The following TRMT2B variants were observed in gnomAD, a reference collection of about 807,000 sequenced individuals.
TRMT2B encodes tRNA methyltransferase 2B, also known as tRNA (uracil-5-)-methyltransferase homolog B.
TRMT2B carries 34 observed loss-of-function variants against 39.7 expected under a neutral mutation model. The observed-to-expected ratio is 0.86, with a 90% CI of 0.65 to 1.14. The LOEUF (loss-of-function observed/expected upper bound fraction) is 1.14. Ranked by LOEUF, TRMT2B falls within the 50% of genes most tolerant of loss-of-function variation. TRMT2B has a pLI of 0.00. For synonymous variants in TRMT2B, 132 were observed against 137.3 expected, an observed-to-expected ratio of 0.96 and a Z score of 0.27; for missense variants, 318 against 377.2, an observed-to-expected ratio of 0.84 and a Z score of 1.30.
At chrX:101,022,444 A>C (rs2086842968) in intron 8 of TRMT2B, among the ~76,000 whole-genome samples, 1 of 110,695 alleles carries the variant, frequency 9.0e-6, no homozygotes. Flanking sequence ...AACATGGTGA[A>C]ACCCCATCTC....
chrX:100,983,398 C>T, the TRMT2B span, among the ~76,000 whole-genome samples: 1 of 110,391 alleles, frequency 9.1e-6, no homozygotes, highest in Non-Finnish European at 1.9e-5. Flanking sequence ...GCTCTGTCAC[C>T]CAGGCTGAAG....
chrX:101,003,302 A>G, the TRMT2B span, among the ~76,000 whole-genome samples: 1 of 109,465 alleles, frequency 9.1e-6, no homozygotes, highest in Non-Finnish European at 1.9e-5. Flanking sequence ...GGAAGAGGTT[A>G]TTGGGAAACA....
rs961502645 is a variant in TRMT2B at position 101,051,806 on chromosome X, C to A, written c.-507+11G>T. 2 of 542,950 alleles carry A rather than the reference C, an allele frequency of 3.7e-6. No homozygotes were observed. Among genetic ancestry groups the A allele is most frequent in the Non-Finnish European group, 4.5e-6 (2 of 446,664 alleles). The allele number at this position is 542,950 out of a possible 1,213,427, so 44.7% of individuals were successfully genotyped here. On this transcript the variant is annotated intron_variant, in intron 1 of 13. Coordinates refer to ENST00000372936, the MANE Select transcript of TRMT2B (RefSeq NM_024917.6). ...TACCTTCCTTCGTAACCAATAAATC[C>A]TCTTACAAACCTGAGGCGGCAAACT...
chrX:101,049,322 G>A (rs866328862), intron 2 of TRMT2B, among the ~76,000 whole-genome samples: 2 of 108,262 alleles, frequency 1.8e-5, no homozygotes, highest in East Asian at 2.9e-4. Context: ...AGCGAGATCC[G>A]GTCTCTACAA....
At chrX:101,020,790 C>G (rs1300281293) in intron 10 of TRMT2B, among the ~76,000 whole-genome samples, 1 of 111,768 alleles carries the variant, frequency 8.9e-6, no homozygotes, top group Non-Finnish European at 1.9e-5. Flanking sequence ...CTCTCTCAGC[C>G]CCCTGAGTAG....
At chrX:100,974,239 T>C in the TRMT2B span, 14 of 996,545 alleles carry the variant, frequency 1.4e-5, no homozygotes, top group South Asian at 2.1e-5. Flanking sequence ...GGGTCTCCCA[T>C]GGACCCCAGA....
At chrX:101,026,624 G>A (rs1212161292) in intron 7 of TRMT2B, among the ~76,000 whole-genome samples, 1 of 111,297 alleles carries the variant, frequency 9.0e-6, no homozygotes, top group Admixed American at 9.7e-5. Context: ...GATGGAAACT[G>A]AAACTCCTGT....
chrX:101,049,877 A>G (rs2088953076), intron 2 of TRMT2B, among the ~76,000 whole-genome samples: 1 of 111,537 alleles, frequency 9.0e-6, no homozygotes, highest in Non-Finnish European at 1.9e-5. Flanking sequence ...TGAAGAGGCA[A>G]GAGACATAAA....
At chrX:101,025,889 T>C (rs980224055) in intron 7 of TRMT2B, among the ~76,000 whole-genome samples, 13 of 108,649 alleles carry the variant, frequency 1.2e-4, no homozygotes, top group African/African-American at 4.4e-4. Flanking sequence ...AACCTGGAGG[T>C]TGTAGTGAGC....
intron 4 of TRMT2B, among the ~76,000 whole-genome samples, chrX:101,039,879 A>G (rs2088113352): frequency 9.1e-6 from 1 of 109,518 alleles, no homozygotes; most frequent in Non-Finnish European, 1.9e-5. Flanking sequence ...CAGCCAGGCA[A>G]CAGAGTGAGA....
At position 101,038,038 on chromosome X, in the gene TRMT2B, G is replaced by C; in HGVS notation, c.317C>G (p.Ala106Gly). The C allele has an allele frequency of 8.3e-7, 1 of 1,209,635 alleles. No homozygotes were observed. The highest frequency in any genetic ancestry group is 1.1e-6 in the Non-Finnish European group (1 of 894,636). Reference protein sequence around the residue: ...YEEQLKVKFAAQKKILQRLES... With the variant: ...YEEQLKVKFAGQKKILQRLES... ...TAGTCTTTGTAAAATTTTCTTCTGA[G>C]CTGCAAATTTCACCTGCAAAAGAAT... The change falls in exon 5 of 14, where the codon GCT becomes GGT. Residue 106 changes from alanine (A) to glycine (G), a missense_variant. Transcript: ENST00000372936.
At chrX:101,037,120 C>A in intron 5 of TRMT2B, 47 bp from the exon 6 acceptor site, 1 of 967,699 alleles carries the variant, frequency 1.0e-6, no homozygotes, top group South Asian at 2.0e-5. Context: ...TCAAATGAAA[C>A]CAAGGAAGAT....
the TRMT2B span, among the ~76,000 whole-genome samples, chrX:101,002,760 CAA>C: frequency 1.1e-5 from 1 of 90,350 alleles, no homozygotes; most frequent in Non-Finnish European, 2.2e-5. Flanking sequence ...GCCTGGGAAA[CAA>C]GAGCAAAACT....
At chrX:101,013,494 GTAATCC>G (rs2086359092) in intron 13 of TRMT2B, 2 of 111,000 alleles carry the variant, frequency 1.8e-5, no homozygotes, top group African/African-American at 6.5e-5. Context: ...GCTCACACCT[GTAATCC>G]TAATACTTTG....
chrX:101,023,150 C>G (rs1406641232), intron 8 of TRMT2B, among the ~76,000 whole-genome samples: 1 of 112,335 alleles, frequency 8.9e-6, no homozygotes, highest in Non-Finnish European at 1.9e-5. Flanking sequence ...TCTGACACTG[C>G]AGTCTCTATT....
At chrX:100,983,819 T>A in the TRMT2B span, among the ~76,000 whole-genome samples, 1 of 111,648 alleles carries the variant, frequency 9.0e-6, no homozygotes, top group Non-Finnish European at 1.9e-5. Context: ...TAATAATATA[T>A]ACATATACAC....
the TRMT2B span, among the ~76,000 whole-genome samples, chrX:100,990,033 A>G: frequency 8.9e-6 from 1 of 112,914 alleles, no homozygotes; most frequent in East Asian, 2.8e-4. Flanking sequence ...ATAACTCCAG[A>G]ACTTATGGCA....
At chrX:100,973,421 C>G in the TRMT2B span, among the ~76,000 whole-genome samples, 2 of 105,386 alleles carry the variant, frequency 1.9e-5, no homozygotes, top group Non-Finnish European at 3.9e-5. Flanking sequence ...CGCTGCCTCC[C>G]GGGCGGCGCT....
Position 101,021,830 on chromosome X carries a change from G to A in TRMT2B, c.851+138C>T, listed in dbSNP as rs2086819892. On this transcript the variant is annotated intron_variant, in intron 9 of 13. Transcript: ENST00000372936. ...CTCTCACATCTACATTCTGGCCTGTGTTCCAAGACCCAGCTGGTGTACAAG... is the reference window on the plus strand; with the variant it reads ...CTCTCACATCTACATTCTGGCCTGTATTCCAAGACCCAGCTGGTGTACAAG... 6.0e-6 allele frequency: 3 copies of A among 497,177 alleles called. No individual in the cohort carries two copies. The Admixed American group carries it at 9.5e-5, about 16-fold the overall frequency. 41.0% of individuals were successfully genotyped at this position (497,177 alleles called of 1,213,427 possible). A position where few individuals can be genotyped will look rare whatever the true frequency, so the allele number is the denominator to read the frequency against.
Sources: allele counts gnomAD v4.1 joint callset (sites outside exome capture counted in the v4.1 genomes callset), GRCh38; gene constraint gnomAD v4.1.1; transcripts MANE v1.5; gene names NCBI Gene and HGNC (gene_info 2026-07-23, HGNC 2026-07-21).